Variants in WWOX observed in about 807,000 individuals in gnomAD.
WWOX encodes the protein WW domain containing oxidoreductase, also known as WW domain-containing oxidoreductase.
In WWOX, 69 loss-of-function variants were observed where a neutral mutation model predicts 46.2. The ratio of observed to expected loss-of-function variants is 1.49; its 90% CI spans 1.23 to 1.82. The LOEUF (loss-of-function observed/expected upper bound fraction) is 1.82, where lower values mean the gene tolerates loss of function less well. WWOX is among the 40% of genes most tolerant of loss of function. The pLI is 0.00. For missense variants in WWOX, 919 were observed against 542.6 expected (o/e 1.69, Z -6.89); for synonymous variants, 359 against 202.6 (o/e 1.77, Z -6.56).
intron 8 of WWOX, among the ~76,000 whole-genome samples, chr16:78,675,496 G>A (rs1233195219): frequency 6.6e-6 from 1 of 152,026 alleles, no homozygotes. Flanking sequence ...ACGGTTGTAA[G>A]CACTTACAAC....
chr16:78,696,746 C>G (rs573495254), intron 8 of WWOX, among the ~76,000 whole-genome samples: 3 of 152,138 alleles, frequency 2.0e-5, no homozygotes, highest in Admixed American at 6.5e-5. Context: ...ATTGGCGAGA[C>G]TTTGGTGCAC....
intron 8 of WWOX, among the ~76,000 whole-genome samples, chr16:78,650,920 G>T (rs1035212220): frequency 6.6e-6 from 1 of 152,212 alleles, no homozygotes; most frequent in Admixed American, 6.5e-5. Flanking sequence ...AGAAAAGGTG[G>T]CTTGGCTGTT....
In WWOX at chr16:78,733,918, T is replaced by C. The variant is rs1367083617; in HGVS notation, c.1056+301166T>C. 2.6e-5 allele frequency among the ~76,000 whole-genome samples: 4 copies of C among 151,532 alleles called. No homozygotes were observed. The South Asian group carries it at 8.4e-4, about 32-fold the overall frequency. On this transcript the variant is annotated intron_variant, in intron 8 of 8. Coordinates refer to ENST00000566780, the MANE Select transcript of WWOX (RefSeq NM_016373.4). ...TCATCTCTACAAAAAATAAAACAGCTAGGCATAGAGGCACACCTGTGGTCC... is the reference window on the plus strand; with the variant it reads ...TCATCTCTACAAAAAATAAAACAGCCAGGCATAGAGGCACACCTGTGGTCC...
intron 4 of WWOX, among the ~76,000 whole-genome samples, chr16:78,149,199 G>A (rs561893478): frequency 6.6e-6 from 1 of 152,194 alleles, no homozygotes; most frequent in East Asian, 1.9e-4. Context: ...TTTAAAGTTT[G>A]ACAGTGAAGA....
chr16:78,366,538 T>C (rs1286062395), intron 5 of WWOX, among the ~76,000 whole-genome samples: 1 of 152,222 alleles, frequency 6.6e-6, no homozygotes, highest in African/African-American at 2.4e-5. Flanking sequence ...ACTCTTATTC[T>C]AAAATAGTGG....
chr16:78,993,135 C>T (rs1190523995), intron 8 of WWOX, among the ~76,000 whole-genome samples: 1 of 151,926 alleles, frequency 6.6e-6, no homozygotes, highest in Non-Finnish European at 1.5e-5. Context: ...TTACCAATTT[C>T]ATAGGCAATA....
At chr16:78,867,879 T>G (rs2044041315) in intron 8 of WWOX, among the ~76,000 whole-genome samples, 2 of 152,156 alleles carry the variant, frequency 1.3e-5, no homozygotes, top group Admixed American at 6.6e-5. Context: ...CCAGAAAGAT[T>G]TATTATCCCA....
intron 5 of WWOX, among the ~76,000 whole-genome samples, chr16:78,366,801 G>A (rs748337085): frequency 1.3e-5 from 2 of 152,056 alleles, no homozygotes; most frequent in East Asian, 3.9e-4. Flanking sequence ...AGTATGTTAA[G>A]ACAAAATGAG....
At chr16:78,713,492 C>G (rs913591408) in intron 8 of WWOX, among the ~76,000 whole-genome samples, 2 of 151,996 alleles carry the variant, frequency 1.3e-5, no homozygotes, top group East Asian at 1.9e-4. Flanking sequence ...TAATGTTACT[C>G]TATTTGGAGA....
At chr16:78,720,093 A>C (rs2048655411) in intron 8 of WWOX, among the ~76,000 whole-genome samples, 1 of 152,194 alleles carries the variant, frequency 6.6e-6, no homozygotes, top group Non-Finnish European at 1.5e-5. Context: ...GTTATTCTGC[A>C]AGTTGAAATG....
intron 7 of WWOX, among the ~76,000 whole-genome samples, chr16:78,425,992 A>G (rs1266920770): frequency 6.6e-6 from 1 of 152,214 alleles, no homozygotes; most frequent in Non-Finnish European, 1.5e-5. Flanking sequence ...AGACCAGCCA[A>G]GGGTTAGCTT....
intron 8 of WWOX, among the ~76,000 whole-genome samples, chr16:78,884,749 T>G (rs2044418010): frequency 6.6e-6 from 1 of 152,224 alleles, no homozygotes; most frequent in African/African-American, 2.4e-5. Flanking sequence ...GTGTGTTCAG[T>G]TTATGAAAAT....
intron 5 of WWOX, among the ~76,000 whole-genome samples, chr16:78,227,039 C>A (rs2037083684): frequency 6.6e-6 from 1 of 152,206 alleles, no homozygotes; most frequent in African/African-American, 2.4e-5. Flanking sequence ...CTTTAGTTCA[C>A]AATGCCAGTG....
chr16:79,107,184 G>A (rs1205568731), intron 8 of WWOX, among the ~76,000 whole-genome samples: 5 of 152,108 alleles, frequency 3.3e-5, no homozygotes, highest in East Asian at 1.9e-4. Flanking sequence ...CAAGTGATCC[G>A]CCCTTCTCCG....
At chr16:78,231,294 G>T (rs1442692622) in intron 5 of WWOX, among the ~76,000 whole-genome samples, 12 of 152,166 alleles carry the variant, frequency 7.9e-5, no homozygotes. Flanking sequence ...TGTGGCTTCG[G>T]CATTTTCACA....
chr16:78,792,433 G>T (rs1310947624), intron 8 of WWOX, among the ~76,000 whole-genome samples: 2 of 151,976 alleles, frequency 1.3e-5, no homozygotes, highest in South Asian at 2.1e-4. Flanking sequence ...CTTCATTCTG[G>T]GCCAGAGCAA....
intron 8 of WWOX, among the ~76,000 whole-genome samples, chr16:78,882,224 C>A (rs1031595839): frequency 6.6e-6 from 1 of 152,194 alleles, no homozygotes; most frequent in Non-Finnish European, 1.5e-5. Context: ...TACTTTCTAA[C>A]ATGTGTATAG....
At chr16:78,229,904 G>T (rs1172857286) in intron 5 of WWOX, among the ~76,000 whole-genome samples, 2 of 151,422 alleles carry the variant, frequency 1.3e-5, no homozygotes, top group Non-Finnish European at 2.9e-5. Flanking sequence ...TTTCTAAACA[G>T]GATCTCACTC....
At chr16:79,158,428 A>G (rs531695267) in intron 8 of WWOX, among the ~76,000 whole-genome samples, 8 of 152,298 alleles carry the variant, frequency 5.3e-5, no homozygotes, top group African/African-American at 1.9e-4. Flanking sequence ...CTTGCTTTAG[A>G]TGGAATCACC....
Sources: gnomAD v4.1 joint callset for allele counts (sites outside exome capture counted in the v4.1 genomes callset) on GRCh38, gnomAD v4.1.1 for gene constraint, MANE v1.5 for transcripts, NCBI Gene and HGNC (gene_info 2026-07-23, HGNC 2026-07-21) for gene names.